CAMK1D: variants seen among roughly 807,000 people sequenced by gnomAD.
The protein encoded by CAMK1D is calcium/calmodulin dependent protein kinase ID.
Under a neutral mutation model 47.7 loss-of-function variants are expected in CAMK1D, and 9 were observed. The observed-to-expected ratio is 0.19, with a 90% confidence interval of 0.11 to 0.33. The LOEUF (loss-of-function observed/expected upper bound fraction) is 0.33. Ranked by LOEUF, CAMK1D falls within the 10% of genes least tolerant of loss-of-function variation. The pLI is 1.00. For missense variants in CAMK1D, 291 were observed against 488.7 expected (o/e 0.60, Z 3.81); for synonymous variants, 184 against 184.9 (o/e 0.99, Z 0.04).
At chr10:12,522,350 C>T (rs1269701579) in intron 1 of CAMK1D, among the ~76,000 whole-genome samples, 3 of 115,308 alleles carry the variant, frequency 2.6e-5, no homozygotes, top group Non-Finnish European at 3.9e-5. Context: ...TGCGGCCCTC[C>T]GCAGTGTTTG....
At chr10:12,406,722 CAAAAAA>C (rs3061400) in intron 1 of CAMK1D, among the ~76,000 whole-genome samples, 8 of 69,242 alleles carry the variant, frequency 1.2e-4, no homozygotes, top group East Asian at 4.8e-4. Context: ...GACCCTGTCT[CAAAAAA>C]AAAAAAAAAA....
chr10:12,695,986 G>A (rs1424876004), intron 3 of CAMK1D, among the ~76,000 whole-genome samples: 1 of 152,098 alleles, frequency 6.6e-6, no homozygotes, highest in Non-Finnish European at 1.5e-5. Context: ...GCTGAGGCAG[G>A]AGAATCGCTT....
At chr10:12,368,242 C>A (rs1256856270) in intron 1 of CAMK1D, among the ~76,000 whole-genome samples, 2 of 151,620 alleles carry the variant, frequency 1.3e-5, no homozygotes, top group Non-Finnish European at 2.9e-5. Flanking sequence ...TGTCCGGGCA[C>A]AGTGGCTCAT....
intron 1 of CAMK1D, among the ~76,000 whole-genome samples, chr10:12,466,655 C>A: frequency 6.8e-6 from 1 of 147,814 alleles, no homozygotes; most frequent in Non-Finnish European, 1.5e-5. Context: ...TTGTAAGTAA[C>A]AGATGAGATA....
chr10:12,386,217 T>C (rs1264121653), intron 1 of CAMK1D, among the ~76,000 whole-genome samples: 3 of 152,206 alleles, frequency 2.0e-5, no homozygotes, highest in African/African-American at 7.2e-5. Flanking sequence ...GGTGGACCGA[T>C]TGCTTGAGCT....
At chr10:12,417,604 G>A (rs1839898708) in intron 1 of CAMK1D, among the ~76,000 whole-genome samples, 1 of 152,096 alleles carries the variant, frequency 6.6e-6, no homozygotes, top group Non-Finnish European at 1.5e-5. Context: ...AGCCACAGTT[G>A]AGTTCCAAGC....
At chr10:12,467,228 C>T (rs1022031176) in intron 1 of CAMK1D, among the ~76,000 whole-genome samples, 6 of 149,238 alleles carry the variant, frequency 4.0e-5, no homozygotes, top group Admixed American at 1.4e-4. Context: ...TCTCAGTTCA[C>T]TGCAACCTCT....
At chr10:12,475,861 A>C (rs1833886886) in intron 1 of CAMK1D, among the ~76,000 whole-genome samples, 1 of 152,006 alleles carries the variant, frequency 6.6e-6, no homozygotes, top group Admixed American at 6.6e-5. Flanking sequence ...TGCTAGAGGC[A>C]TGGCTCCCTG....
chr10:12,635,125 A>C (rs77716576), intron 2 of CAMK1D, among the ~76,000 whole-genome samples: 5 of 152,048 alleles, frequency 3.3e-5, no homozygotes, highest in African/African-American at 1.2e-4. Flanking sequence ...TGTGGGGAAC[A>C]TGAGAGAGGT....
chr10:12,431,321 T>C (rs1383771586), intron 1 of CAMK1D, among the ~76,000 whole-genome samples: 1 of 152,114 alleles, frequency 6.6e-6, no homozygotes, highest in Non-Finnish European at 1.5e-5. Context: ...AATCCCTGGT[T>C]ATTGAGGGCA....
intron 1 of CAMK1D, among the ~76,000 whole-genome samples, chr10:12,516,430 T>C (rs954802644): frequency 6.6e-6 from 1 of 152,190 alleles, no homozygotes; most frequent in African/African-American, 2.4e-5. Flanking sequence ...ATTTTGAATA[T>C]AGCTGTTACA....
intron 6 of CAMK1D, 28 bp from the exon 7 acceptor site, chr10:12,814,167 C>A: frequency 7.0e-7 from 1 of 1,426,182 alleles, no homozygotes; most frequent in Middle Eastern, 1.8e-4. Context: ...TGCAGATGTT[C>A]CAGCTTTTAC....
At chr10:12,798,092 C>G (rs762428481) in intron 6 of CAMK1D, among the ~76,000 whole-genome samples, 1 of 152,192 alleles carries the variant, frequency 6.6e-6, no homozygotes, top group African/African-American at 2.4e-5. Context: ...CACCACAGAG[C>G]GAGAGGTCAG....
At chr10:12,686,257 C>T (rs531661285) in intron 3 of CAMK1D, among the ~76,000 whole-genome samples, 19 of 152,190 alleles carry the variant, frequency 1.2e-4, no homozygotes, top group South Asian at 6.2e-4. Flanking sequence ...GGAACGATTG[C>T]GAAGATATGA....
chr10:12,698,684 T>TTTTTTTG (rs1554812746), intron 3 of CAMK1D, among the ~76,000 whole-genome samples: 1 of 143,522 alleles, frequency 7.0e-6, no homozygotes, highest in African/African-American at 2.6e-5. Flanking sequence ...TTTTTTTTTT[T>TTTTTTTG]TTTTTTTGAG....
intron 5 of CAMK1D, among the ~76,000 whole-genome samples, chr10:12,770,928 G>C (rs1387097980): frequency 6.6e-6 from 1 of 151,864 alleles, no homozygotes; most frequent in African/African-American, 2.4e-5. Context: ...TCTTTTTTGT[G>C]GGGGGTGGGG....
intron 2 of CAMK1D, among the ~76,000 whole-genome samples, chr10:12,648,833 A>G (rs1396251059): frequency 6.6e-6 from 1 of 152,180 alleles, no homozygotes; most frequent in East Asian, 1.9e-4. Context: ...ATCAGGGGCT[A>G]GTGTTCATCT....
At chr10:12,536,657 G>A (rs1221667982) in intron 1 of CAMK1D, among the ~76,000 whole-genome samples, 1 of 152,168 alleles carries the variant, frequency 6.6e-6, no homozygotes, top group Non-Finnish European at 1.5e-5. Flanking sequence ...TCCTAATGGT[G>A]TGTCTTTGTA....
intron 1 of CAMK1D, among the ~76,000 whole-genome samples, chr10:12,412,119 C>G (rs1839677626): frequency 6.6e-6 from 1 of 152,162 alleles, no homozygotes. Flanking sequence ...GTGTTCTTTT[C>G]CCACCATTTT....
Sources: gnomAD v4.1 joint callset for allele counts (sites outside exome capture counted in the v4.1 genomes callset) on GRCh38, gnomAD v4.1.1 for gene constraint, MANE v1.5 for transcripts, NCBI Gene and HGNC (gene_info 2026-07-23, HGNC 2026-07-21) for gene names.